Variants in KCNK18 observed in about 807,000 individuals in gnomAD.
KCNK18 encodes the protein potassium channel subfamily K member 18.
A neutral mutation model predicts 11.8 loss-of-function variants in KCNK18; 8 were observed. The ratio of observed to expected loss-of-function variants is 0.68; its 90% CI spans 0.40 to 1.22. The LOEUF (loss-of-function observed/expected upper bound fraction) is 1.22, where lower values mean the gene tolerates loss of function less well. Among genes scored for constraint, KCNK18 ranks in the 50% most tolerant of loss-of-function variants. The probability of loss-of-function intolerance (pLI) is 0.01; values close to 1 mark genes in which losing one functional copy is unlikely to be tolerated. For missense variants in KCNK18, 442 were observed against 465.4 expected, an observed-to-expected ratio of 0.95 and a Z score of 0.46; for synonymous variants, 208 against 185.8, an observed-to-expected ratio of 1.12 and a Z score of -0.97.
intron 2 of KCNK18, among the ~76,000 whole-genome samples, chr10:117,202,564 A>C (rs994375895): frequency 1.3e-5 from 2 of 152,216 alleles, no homozygotes; most frequent in Non-Finnish European, 1.5e-5. Context: ...CCATTCAAGC[A>C]TAACTGTGTC....
intron 1 of KCNK18, among the ~76,000 whole-genome samples, chr10:117,199,618 G>A (rs187860499): frequency 3.3e-5 from 5 of 152,226 alleles, no homozygotes; most frequent in African/African-American, 4.8e-5. Context: ...ATGGAACCAG[G>A]GACTTAAACC....
chr10:117,204,464 A>G (rs1169564683), intron 2 of KCNK18, among the ~76,000 whole-genome samples: 3 of 152,026 alleles, frequency 2.0e-5, no homozygotes, highest in African/African-American at 7.3e-5. Context: ...GTCCCTACCC[A>G]TTATGACAGC....
intron 1 of KCNK18, among the ~76,000 whole-genome samples, chr10:117,199,900 T>C (rs60088429): frequency 0.067 from 10,166 of 152,206 alleles, 557 homozygotes; most frequent in Admixed American, 0.16. Flanking sequence ...CACTGGCGGC[T>C]CAGGCCAATC....
At chr10:117,201,851 G>A (rs1855017192) in intron 2 of KCNK18, among the ~76,000 whole-genome samples, 2 of 152,238 alleles carry the variant, frequency 1.3e-5, no homozygotes, top group Admixed American at 1.3e-4. Flanking sequence ...CACTGGGTCA[G>A]CAGTAACTAA....
intron 2 of KCNK18, among the ~76,000 whole-genome samples, chr10:117,201,498 A>G (rs1374543036): frequency 6.6e-6 from 1 of 151,976 alleles, no homozygotes; most frequent in Non-Finnish European, 1.5e-5. Flanking sequence ...CTGTTCTAAG[A>G]CCTTTATGCT....
At chr10:117,201,408 T>C in intron 2 of KCNK18, 121 bp downstream of exon 2, 1 of 1,062,670 alleles carries the variant, frequency 9.4e-7, no homozygotes, top group East Asian at 2.5e-5. Flanking sequence ...CTTCCCTCCC[T>C]TCCTCAAATC....
At chr10:117,202,034 C>T (rs1855018987) in intron 2 of KCNK18, among the ~76,000 whole-genome samples, 1 of 152,242 alleles carries the variant, frequency 6.6e-6, no homozygotes, top group Non-Finnish European at 1.5e-5. Context: ...GGTCAGAGCC[C>T]TCACCAGGAG....
chr10:117,204,760 T>C (rs1855057596), intron 2 of KCNK18, among the ~76,000 whole-genome samples: 1 of 152,208 alleles, frequency 6.6e-6, no homozygotes, highest in Non-Finnish European at 1.5e-5. Flanking sequence ...CAGAGTCACC[T>C]GCAGAGCTTT....
intron 1 of KCNK18, among the ~76,000 whole-genome samples, chr10:117,197,936 G>A (rs1310421591): frequency 6.6e-6 from 1 of 152,130 alleles, no homozygotes; most frequent in Non-Finnish European, 1.5e-5. Flanking sequence ...ATGCAGGAAA[G>A]GCCCTGAGCA....
intron 1 of KCNK18, among the ~76,000 whole-genome samples, chr10:117,199,143 AC>A: frequency 6.6e-6 from 1 of 152,198 alleles, no homozygotes; most frequent in East Asian, 1.9e-4. Context: ...ACAAGGTGAG[AC>A]CCTGTCTCTA....
chr10:117,203,174 G>A lies in KCNK18; in HGVS notation c.352+1887G>A, dbSNP rs552541897. On this transcript the variant is annotated intron_variant, in intron 2 of 2. Coordinates refer to ENST00000334549, the MANE Select transcript of KCNK18 (RefSeq NM_181840.1). ...TTAGAGGCGTGAGACACCGCGCCTG[G>A]CCTTGTTCACCTGAATGCTGATGCA... Among the ~76,000 whole-genome samples, 3 of 152,238 alleles carry A rather than the reference G, an allele frequency of 2.0e-5. No individual in the cohort carries two copies. The East Asian group carries it at 5.8e-4, about 29-fold the overall frequency.
At chr10:117,209,248 C>A (rs1177535367) in intron 2 of KCNK18, among the ~76,000 whole-genome samples, 6 of 152,182 alleles carry the variant, frequency 3.9e-5, no homozygotes, top group African/African-American at 1.4e-4. Flanking sequence ...CTGCCAAGGA[C>A]ATTTCAAATC....
intron 2 of KCNK18, among the ~76,000 whole-genome samples, chr10:117,203,605 TCTC>T (rs1855040497): frequency 1.3e-5 from 2 of 152,230 alleles, no homozygotes; most frequent in South Asian, 4.1e-4. Context: ...AATGGTGCCA[TCTC>T]AGCTCACTGC....
At position 117,207,825 on chromosome 10, in the gene KCNK18, C is replaced by T. The variant is rs191214541; in HGVS notation, c.353-1672C>T. Among the ~76,000 whole-genome samples the T allele has an allele frequency of 2.1e-3, 323 of 152,316 alleles. 2 individuals are homozygous for T. Among genetic ancestry groups the T allele is most frequent in the Non-Finnish European group, 1.5e-3 (105 of 68,038 alleles). On this transcript the variant is annotated intron_variant, in intron 2 of 2. Coordinates refer to ENST00000334549, the MANE Select transcript of KCNK18 (RefSeq NM_181840.1). The stretch of plus-strand genomic sequence containing the variant: ...TGGGGCTTAGCCAGCTGAGGAGTTG[C>T]CTTCAGATTAATTTACATAATTGGG...
Position 117,209,525 on chromosome 10 carries a change from G to C in KCNK18, c.381G>C (p.Arg127Ser). The stretch of plus-strand genomic sequence containing the variant: ...ATGGCTACATCTACCCCGTCACCAG[G>C]CTTGGCAAGTACTTGTGCATGCTCT... ...VGYGYIYPVTRLGKYLCMLYA... is the reference protein window; with the variant it reads ...VGYGYIYPVTSLGKYLCMLYA... The change falls in exon 3 of 3, where the codon AGG becomes AGC. Residue 127 changes from arginine to serine, a missense_variant. By Grantham distance (110) the Arg-to-Ser change is moderately radical. Coordinates refer to ENST00000334549, the MANE Select transcript of KCNK18 (RefSeq NM_181840.1). 2.5e-6 allele frequency: 4 copies of C among 1,614,102 alleles called. No homozygotes were observed. The highest frequency in any genetic ancestry group is 3.4e-6 in the Non-Finnish European group (4 of 1,180,024).
chr10:117,209,412 A>G (rs1046244447), intron 2 of KCNK18, 85 bp from the exon 3 acceptor site: 1 of 1,032,258 alleles, frequency 9.7e-7, no homozygotes, highest in Non-Finnish European at 1.5e-6. Context: ...CAAGGAGGGG[A>G]GATGGCAGAA....
At chr10:117,201,517 C>A (rs933885339) in intron 2 of KCNK18, among the ~76,000 whole-genome samples, 2 of 152,206 alleles carry the variant, frequency 1.3e-5, no homozygotes, top group East Asian at 3.9e-4. Context: ...CTGATTAGCT[C>A]ATCTAATCCT....
At chr10:117,205,398 T>C (rs997624813) in intron 2 of KCNK18, among the ~76,000 whole-genome samples, 2 of 152,244 alleles carry the variant, frequency 1.3e-5, no homozygotes, top group African/African-American at 2.4e-5. Flanking sequence ...TTTTCAGGAA[T>C]GTGACATATT....
chr10:117,204,957 C>A (rs1269986598), intron 2 of KCNK18, among the ~76,000 whole-genome samples: 1 of 152,174 alleles, frequency 6.6e-6, no homozygotes, highest in Non-Finnish European at 1.5e-5. Context: ...GCCCATTGTA[C>A]GAGTCAATTA....
Sources: gnomAD v4.1 joint callset for allele counts (sites outside exome capture counted in the v4.1 genomes callset) on GRCh38, gnomAD v4.1.1 for gene constraint, MANE v1.5 for transcripts, NCBI Gene and HGNC (gene_info 2026-07-23, HGNC 2026-07-21) for gene names.